The following THSD7B variants were observed in gnomAD, a reference collection of about 807,000 sequenced individuals.
THSD7B encodes thrombospondin type-1 domain-containing protein 7B.
In THSD7B, 138 loss-of-function variants were observed where a neutral mutation model predicts 213.6. The observed-to-expected ratio is 0.65, with a 90% CI of 0.56 to 0.74. THSD7B has a LOEUF of 0.74. Ranked by LOEUF, THSD7B falls within the 30% of genes least tolerant of loss-of-function variation. THSD7B has a pLI of 0.00. For missense variants in THSD7B, 1,931 were observed against 1,991.5 expected, an observed-to-expected ratio of 0.97 and a Z score of 0.58; for synonymous variants, 742 against 687.0, an observed-to-expected ratio of 1.08 and a Z score of -1.25.
intron 12 of THSD7B, among the ~76,000 whole-genome samples, chr2:137,331,017 C>G (rs1255889760): frequency 6.6e-6 from 1 of 152,158 alleles, no homozygotes; most frequent in Non-Finnish European, 1.5e-5. Context: ...ACCAGAGCAG[C>G]TAGATACAGA....
At chr2:137,316,044 T>C (rs1363015262) in intron 12 of THSD7B, among the ~76,000 whole-genome samples, 1 of 152,244 alleles carries the variant, frequency 6.6e-6, no homozygotes, top group Non-Finnish European at 1.5e-5. Flanking sequence ...GTATTATGTG[T>C]GTTAGTCTTT....
rs150500791 is a variant in THSD7B at position 137,596,400 on chromosome 2, G to A, written c.3424-19775G>A. On this transcript the variant is annotated intron_variant, in intron 17 of 27. Coordinates refer to ENST00000409968, the MANE Select transcript of THSD7B (RefSeq NM_001316349.2). ...CACACTTTCTAGAAACATTAAAAAT[G>A]TTTAATTATTCTTTATTTGGCTGTG... 1.3e-3 allele frequency among the ~76,000 whole-genome samples: 205 copies of A among 152,098 alleles called. 3 individuals carry two copies. In the East Asian group the frequency reaches 0.037, roughly 27 times the overall value.
In THSD7B at chr2:136,882,205, C is replaced by T. The variant is rs1338943339; in HGVS notation, c.27C>T (p.Val9=). 4 of 1,537,650 alleles carry T rather than the reference C, an allele frequency of 2.6e-6. No individual in the cohort carries two copies. The African/African-American group carries it at 4.2e-5, about 16-fold the overall frequency. Residue 9 remains valine (V), a synonymous_variant, in exon 2 of 28, where the codon GTC becomes GTT. Coordinates refer to ENST00000409968, the MANE Select transcript of THSD7B (RefSeq NM_001316349.2). ...TGTTTCCAAAGAGCAACCTAACAGT[C>T]ACTTGCTGGGTATGGAGGAGCATGA... MFPKSNLT[V]TCWVWRSMRK...
At position 137,650,675 on chromosome 2, in the gene THSD7B, C is replaced by T. The variant is rs556723485; in HGVS notation, c.3946-4826C>T. On this transcript the variant is annotated intron_variant, in intron 21 of 27. Transcript: ENST00000409968. ...GTCTTGTTCCAGATCTTAGAGCAAACGCTTTCCATTTTTCTCCATTCAATA... is the reference window on the plus strand; with the variant it reads ...GTCTTGTTCCAGATCTTAGAGCAAATGCTTTCCATTTTTCTCCATTCAATA... Among the ~76,000 whole-genome samples, 11 of 152,256 alleles carry T rather than the reference C, an allele frequency of 7.2e-5. No homozygotes were observed. In the East Asian group the frequency reaches 7.7e-4, roughly 11 times the overall value.
chr2:137,628,515 G>T (rs376581016), intron 20 of THSD7B, among the ~76,000 whole-genome samples: 36 of 152,174 alleles, frequency 2.4e-4, no homozygotes, highest in African/African-American at 8.4e-4. Flanking sequence ...AAGTAATAAT[G>T]CCCATTGATG....
chr2:137,392,821 T>C (rs1216818733), intron 12 of THSD7B, among the ~76,000 whole-genome samples: 2 of 152,246 alleles, frequency 1.3e-5, no homozygotes, highest in Middle Eastern at 3.4e-3. Context: ...GCTCCTGTCA[T>C]ATTTGTCTTT....
chr2:137,214,900 G>A (rs1435648040), intron 7 of THSD7B, among the ~76,000 whole-genome samples: 1 of 152,160 alleles, frequency 6.6e-6, no homozygotes, highest in Non-Finnish European at 1.5e-5. Context: ...ACATACGTGT[G>A]CATATGTCTT....
chr2:136,929,947 A>G (rs1456818862), intron 2 of THSD7B, among the ~76,000 whole-genome samples: 2 of 152,232 alleles, frequency 1.3e-5, no homozygotes, highest in African/African-American at 4.8e-5. Flanking sequence ...AGATGAGCTT[A>G]ATCACAGAGA....
intron 2 of THSD7B, among the ~76,000 whole-genome samples, chr2:136,961,812 C>A (rs1685224825): frequency 6.6e-6 from 1 of 152,136 alleles, no homozygotes; most frequent in Non-Finnish European, 1.5e-5. Flanking sequence ...ATCACATCAG[C>A]AAGGGAATGG....
At chr2:137,287,689 A>G (rs1285926421) in intron 12 of THSD7B, among the ~76,000 whole-genome samples, 4 of 152,178 alleles carry the variant, frequency 2.6e-5, no homozygotes, top group Non-Finnish European at 5.9e-5. Flanking sequence ...GATAAAAAGA[A>G]CAGAGTAACC....
At chr2:137,240,762 G>T (rs1681881871) in intron 9 of THSD7B, among the ~76,000 whole-genome samples, 1 of 152,114 alleles carries the variant, frequency 6.6e-6, no homozygotes, top group Non-Finnish European at 1.5e-5. Flanking sequence ...CAATACTCTT[G>T]CCTCGGCCTC....
At chr2:137,273,969 T>G (rs920045886) in intron 11 of THSD7B, among the ~76,000 whole-genome samples, 1 of 152,084 alleles carries the variant, frequency 6.6e-6, no homozygotes, top group Non-Finnish European at 1.5e-5. Flanking sequence ...ATCAAAAAAC[T>G]ATTAGTGGGA....
intron 14 of THSD7B, among the ~76,000 whole-genome samples, chr2:137,415,664 GTTTT>G (rs10563702): frequency 0.018 from 1,434 of 80,120 alleles, 22 homozygotes; most frequent in African/African-American, 0.059. Flanking sequence ...TTATATCAGT[GTTTT>G]TTTTTTTTTT....
intron 12 of THSD7B, among the ~76,000 whole-genome samples, chr2:137,326,005 T>G (rs1684367285): frequency 6.6e-6 from 1 of 152,230 alleles, no homozygotes; most frequent in Admixed American, 6.5e-5. Flanking sequence ...TTCTGAAATC[T>G]TTTCTCATAT....
At chr2:137,069,628 C>T (rs62171234) in intron 3 of THSD7B, among the ~76,000 whole-genome samples, 11,735 of 151,932 alleles carry the variant, frequency 0.077, 580 homozygotes, top group Middle Eastern at 0.12. Flanking sequence ...AATTTTAAGA[C>T]GATTTTTTAA....
intron 1 of THSD7B, among the ~76,000 whole-genome samples, chr2:136,874,100 T>C (rs1683487398): frequency 6.6e-6 from 1 of 152,206 alleles, no homozygotes; most frequent in Admixed American, 6.5e-5. Flanking sequence ...CATCAGGCTA[T>C]AAAGGATCTA....
At position 137,108,615 on chromosome 2, in the gene THSD7B, A is replaced by G. The variant is rs568108895; in HGVS notation, c.1200-6509A>G. On this transcript the variant is annotated intron_variant, in intron 4 of 27. Transcript: ENST00000409968. ...AGTTTGTGTCCTGTATCTCTTTATG[A>G]GGACGTGTATTTCCACAGTTACAGG... 3.9e-5 allele frequency among the ~76,000 whole-genome samples: 6 copies of G among 152,300 alleles called. No individual in the cohort carries two copies. The East Asian group carries it at 9.6e-4, about 24-fold the overall frequency.
In THSD7B at chr2:137,289,873, G is replaced by C. The variant is rs138721169; in HGVS notation, c.2500+13847G>C. On this transcript the variant is annotated intron_variant, in intron 12 of 27. Coordinates refer to ENST00000409968, the MANE Select transcript of THSD7B (RefSeq NM_001316349.2). ...AAATACTTGAGTAAGCATGATTTTT[G>C]GGTGAGGGGATATGACTGAATGCAT... Among the ~76,000 whole-genome samples, 665 of 152,126 alleles carry C rather than the reference G, an allele frequency of 4.4e-3. 1 individual carries two copies. The highest frequency in any genetic ancestry group is 0.01 in the Middle Eastern group (3 of 294).
intron 5 of THSD7B, among the ~76,000 whole-genome samples, chr2:137,137,626 C>G (rs1003868543): frequency 1.3e-5 from 2 of 152,100 alleles, no homozygotes; most frequent in African/African-American, 4.8e-5. Flanking sequence ...GTATAGTAGA[C>G]TAATTCCTCT....
Sources: allele counts gnomAD v4.1 joint callset (sites outside exome capture counted in the v4.1 genomes callset), GRCh38; gene constraint gnomAD v4.1.1; transcripts MANE v1.5; gene names NCBI Gene and HGNC (gene_info 2026-07-23, HGNC 2026-07-21).